The following TMEM117 variants were observed in gnomAD, a reference collection of about 807,000 sequenced individuals.
TMEM117 encodes the protein transmembrane protein 117.
Under a neutral mutation model 52.4 loss-of-function variants are expected in TMEM117, and 27 were observed. That is an observed-to-expected ratio of 0.51 (90% confidence interval 0.38 to 0.71). The LOEUF is 0.71. Ranked by LOEUF, TMEM117 falls within the 30% of genes least tolerant of loss-of-function variation. The pLI is 0.00. For missense variants in TMEM117, 556 were observed against 630.5 expected, an observed-to-expected ratio of 0.88 and a Z score of 1.26; for synonymous variants, 215 against 206.3, an observed-to-expected ratio of 1.04 and a Z score of -0.36.
At chr12:44,085,591 C>T (rs1947553690) in intron 3 of TMEM117, among the ~76,000 whole-genome samples, 1 of 152,150 alleles carries the variant, frequency 6.6e-6, no homozygotes, top group South Asian at 2.1e-4. Context: ...TTCAGCAATG[C>T]AGAAAATACA....
At chr12:43,959,224 C>T (rs1249815608) in intron 3 of TMEM117, among the ~76,000 whole-genome samples, 1 of 152,196 alleles carries the variant, frequency 6.6e-6, no homozygotes, top group Non-Finnish European at 1.5e-5. Flanking sequence ...TGTTCAAGAT[C>T]CAATTAAAGT....
At chr12:44,152,676 A>T (rs1442893825) in intron 4 of TMEM117, among the ~76,000 whole-genome samples, 16 of 132,512 alleles carry the variant, frequency 1.2e-4, no homozygotes, top group South Asian at 1.1e-3. Flanking sequence ...TATAATTTTT[A>T]TATATATAAT....
chr12:44,019,913 T>G (rs1433221749), intron 3 of TMEM117, among the ~76,000 whole-genome samples: 2 of 152,226 alleles, frequency 1.3e-5, no homozygotes, highest in African/African-American at 4.8e-5. Context: ...AAAAAAGCTC[T>G]TTTAAACAGA....
chr12:43,842,911 C>T (rs1943138947), intron 1 of TMEM117, among the ~76,000 whole-genome samples: 1 of 152,176 alleles, frequency 6.6e-6, no homozygotes, highest in Non-Finnish European at 1.5e-5. Context: ...AGGAGTTGAT[C>T]TGGCTGTCTG....
At chr12:44,292,259 G>A (rs991549037) in intron 5 of TMEM117, among the ~76,000 whole-genome samples, 1 of 151,860 alleles carries the variant, frequency 6.6e-6, no homozygotes, top group African/African-American at 2.4e-5. Flanking sequence ...ATTATTCGGA[G>A]TAGTCTCTTA....
the TMEM117 span, among the ~76,000 whole-genome samples, chr12:43,825,817 CACCT>C: frequency 6.6e-6 from 1 of 152,110 alleles, no homozygotes; most frequent in Admixed American, 6.6e-5. Context: ...TGTTAACACC[CACCT>C]GAGTTTACTG....
intron 5 of TMEM117, among the ~76,000 whole-genome samples, chr12:44,296,689 G>A (rs549205053): frequency 4.7e-4 from 72 of 152,336 alleles, no homozygotes; most frequent in Admixed American, 1.4e-3. Context: ...TCTCCTGGCA[G>A]GTCCCTGTGT....
intron 2 of TMEM117, among the ~76,000 whole-genome samples, chr12:43,884,080 G>C (rs2137458222): frequency 6.7e-6 from 1 of 149,310 alleles, no homozygotes; most frequent in South Asian, 2.1e-4. Flanking sequence ...AGGCTGCAGT[G>C]AGCCATGATC....
intron 6 of TMEM117, among the ~76,000 whole-genome samples, chr12:44,345,138 T>C (rs1306658379): frequency 6.6e-6 from 1 of 151,536 alleles, no homozygotes; most frequent in Non-Finnish European, 1.5e-5. Context: ...AGAGAAGGAG[T>C]AGGGCTCCTT....
intron 3 of TMEM117, among the ~76,000 whole-genome samples, chr12:44,074,635 A>G (rs1462876193): frequency 2.0e-5 from 3 of 152,166 alleles, no homozygotes; most frequent in Admixed American, 6.6e-5. Context: ...TTAATTCTAG[A>G]TTTGTCTGAC....
At chr12:44,114,765 G>T (rs1455276172) in intron 3 of TMEM117, among the ~76,000 whole-genome samples, 1 of 152,122 alleles carries the variant, frequency 6.6e-6, no homozygotes, top group African/African-American at 2.4e-5. Flanking sequence ...TAAGGGGTGA[G>T]GGTGGGAGAA....
intron 5 of TMEM117, among the ~76,000 whole-genome samples, chr12:44,213,453 T>G (rs1414903652): frequency 6.6e-6 from 1 of 152,230 alleles, no homozygotes. Flanking sequence ...GGAGGTAAAC[T>G]AATATCAAAT....
intron 3 of TMEM117, among the ~76,000 whole-genome samples, chr12:43,983,223 T>C (rs1945789667): frequency 6.6e-6 from 1 of 152,142 alleles, no homozygotes; most frequent in African/African-American, 2.4e-5. Flanking sequence ...CAGGTTTGTT[T>C]ACATGGTGGC....
At position 44,183,452 on chromosome 12, in the gene TMEM117, A is replaced by C. The variant is rs146969087; in HGVS notation, c.511-27838A>C. Among the ~76,000 whole-genome samples, 840 of 152,324 alleles carry C rather than the reference A, an allele frequency of 5.5e-3. 7 individuals carry two copies. Among genetic ancestry groups the C allele is most frequent in the Middle Eastern group, 0.024 (7 of 294 alleles). ...CTTTATAAAGTACCTTAGCTATACT[A>C]AAGGTATGTGCTTAACATGTTTTTG... On this transcript the variant is annotated intron_variant, in intron 4 of 7. Coordinates refer to ENST00000266534, the MANE Select transcript of TMEM117 (RefSeq NM_032256.3).
At chr12:43,935,261 A>G (rs1191809603) in intron 2 of TMEM117, among the ~76,000 whole-genome samples, 1 of 152,198 alleles carries the variant, frequency 6.6e-6, no homozygotes, top group Non-Finnish European at 1.5e-5. Context: ...AAATAGTCAT[A>G]TCATGTTTTT....
At chr12:44,087,760 T>G (rs1479138833) in intron 3 of TMEM117, among the ~76,000 whole-genome samples, 1 of 152,200 alleles carries the variant, frequency 6.6e-6, no homozygotes, top group Admixed American at 6.5e-5. Flanking sequence ...CCACCACACC[T>G]GGCCTTATTA....
At chr12:44,099,380 T>C (rs1565827025) in intron 3 of TMEM117, among the ~76,000 whole-genome samples, 1 of 152,082 alleles carries the variant, frequency 6.6e-6, no homozygotes, top group Non-Finnish European at 1.5e-5. Flanking sequence ...TATGCCACAG[T>C]GGACTTGGTT....
At chr12:44,208,953 A>C (rs1174280812) in intron 4 of TMEM117, among the ~76,000 whole-genome samples, 1 of 152,056 alleles carries the variant, frequency 6.6e-6, no homozygotes, top group Non-Finnish European at 1.5e-5. Context: ...GGAAATATTT[A>C]TTACCATGTT....
At chr12:44,370,809 T>C (rs1951854575) in intron 6 of TMEM117, among the ~76,000 whole-genome samples, 2 of 152,236 alleles carry the variant, frequency 1.3e-5, no homozygotes, top group East Asian at 3.9e-4. Context: ...GGGATTGTTA[T>C]ATATCTTTAA....
Sources: gnomAD v4.1 joint callset for allele counts (sites outside exome capture counted in the v4.1 genomes callset) on GRCh38, gnomAD v4.1.1 for gene constraint, MANE v1.5 for transcripts, NCBI Gene and HGNC (gene_info 2026-07-23, HGNC 2026-07-21) for gene names.